Variants in KCNH2 observed in about 807,000 individuals in gnomAD.
KCNH2 encodes the protein potassium voltage-gated channel subfamily H member 2.
Under a neutral mutation model 95.9 loss-of-function variants are expected in KCNH2, and 35 were observed. That is an observed-to-expected ratio of 0.37 (90% CI 0.28 to 0.48). The LOEUF (loss-of-function observed/expected upper bound fraction) is 0.48. Among genes scored for constraint, KCNH2 ranks in the 20% least tolerant of loss-of-function variants. The pLI, the probability that KCNH2 is intolerant of heterozygous loss-of-function variation, is 0.99. For missense variants in KCNH2, 1,274 were observed against 1,702.9 expected, an observed-to-expected ratio of 0.75 and a Z score of 4.43; for synonymous variants, 786 against 754.7, an observed-to-expected ratio of 1.04 and a Z score of -0.68.
At position 150,952,563 on chromosome 7, in the gene KCNH2, G is replaced by A. The variant is rs1057522546; in HGVS notation, c.1419C>T (p.Thr473=). ...FIVDILINFR[T]TYVNANEEVV... is the part of the protein sequence containing the mutation. ...CCTCCTCGTTGGCATTGACGTAGGT[G>A]GTGCGGAAGTTGATGAGGATGTCCA... The change falls in exon 6 of 15, where the codon ACC becomes ACT. Residue 473 remains threonine, a synonymous_variant. Transcript: ENST00000262186. This position sits in a 1 kb window ranked among gnomAD's most constrained non-coding sequence, Gnocchi z 7.3. The A allele has an allele frequency of 6.2e-7, 1 of 1,614,092 alleles. No individual in the cohort carries two copies. Among genetic ancestry groups the A allele is most frequent in the South Asian group, 1.1e-5 (1 of 91,090 alleles).
At chr7:150,975,712 T>G (rs1347723804) in intron 1 of KCNH2, among the ~76,000 whole-genome samples, 1 of 152,186 alleles carries the variant, frequency 6.6e-6, no homozygotes, top group East Asian at 1.9e-4. Context: ...AGCTTGTAAA[T>G]GATAGAGCCA....
rs755053912 is a variant in KCNH2 at position 150,957,414 on chromosome 7, T to C, written c.1005A>G (p.Gln335=). 6.2e-7 allele frequency: 1 copy of C among 1,614,186 alleles called. No homozygotes were observed. Among genetic ancestry groups the C allele is most frequent in the East Asian group, 2.2e-5 (1 of 44,886 alleles). The change falls in exon 5 of 15, where the codon CAA becomes CAG. Residue 335 remains glutamine, a synonymous_variant. Coordinates refer to ENST00000262186, the MANE Select transcript of KCNH2 (RefSeq NM_000238.4). The stretch of plus-strand genomic sequence containing the variant: ...TGAGGTCCACAAAGTTGAGGGTGAT[T>C]TGGGGAATCTTGCTAATGGTGCGGT... The part of the protein sequence containing the change: ...VRYRTISKIP[Q]ITLNFVDLKG...
chr7:150,945,390 C>G lies in KCNH2; in HGVS notation c.3455G>C (p.Arg1152Thr). Residue 1152 changes from arginine (R) to threonine (T), a missense_variant, in exon 15 of 15, where the codon AGA (arginine) becomes ACA (threonine). Physicochemically the swap from Arg to Thr is moderately conservative, Grantham distance 71. Coordinates refer to ENST00000262186, the MANE Select transcript of KCNH2 (RefSeq NM_000238.4). This position sits in a 1 kb window ranked among gnomAD's most constrained non-coding sequence, Gnocchi z 5.6. The part of the protein sequence containing the change: ...LGALTSQPLH[R>T]HGSDPGS Reference sequence around the variant, plus strand: ...CTAACTGCCCGGGTCCGAGCCGTGTCTGTGCAGGGGCTGGGAGGTGAGGGC... The same window carrying G: ...CTAACTGCCCGGGTCCGAGCCGTGTGTGTGCAGGGGCTGGGAGGTGAGGGC... 6.3e-7 allele frequency: 1 copy of G among 1,590,240 alleles called. No homozygotes were observed. Among genetic ancestry groups the G allele is most frequent in the Non-Finnish European group, 8.6e-7 (1 of 1,168,842 alleles).
intron 1 of KCNH2, 80 bp from the exon 2 acceptor site, chr7:150,975,021 TCACA>T (rs1418766159): frequency 7.9e-7 from 1 of 1,269,852 alleles, no homozygotes; most frequent in Non-Finnish European, 1.1e-6. Flanking sequence ...CATTCTCCAC[TCACA>T]CAGCCGCCCG....
chr7:150,952,310 TTCTCTCTCTC>T lies in KCNH2; in HGVS notation c.1557+105_1557+114del. 9.2e-7 allele frequency: 1 copy of T among 1,087,114 alleles called. No individual in the cohort carries two copies. The highest frequency in any genetic ancestry group is 1.3e-6 in the Non-Finnish European group (1 of 742,588). 67.3% of individuals were successfully genotyped at this position (1,087,114 alleles called of 1,614,324 possible). The stretch of plus-strand genomic sequence containing the variant: ...TCTCTCTCCCACTGTCTTTCTCTCT[TTCTCTCTCTC>T]TCTCTTTTTCTCTGTCCTCCTCGCC... On this transcript the variant is annotated intron_variant, in intron 6 of 14. Coordinates refer to ENST00000262186, the MANE Select transcript of KCNH2 (RefSeq NM_000238.4). This position sits in a 1 kb window ranked among gnomAD's most constrained non-coding sequence, Gnocchi z 7.3.
At chr7:150,964,348 G>A (rs1289210280) in intron 2 of KCNH2, among the ~76,000 whole-genome samples, 2 of 152,134 alleles carry the variant, frequency 1.3e-5, no homozygotes, top group African/African-American at 2.4e-5. Context: ...CCTGGCACCT[G>A]CCCCCAGTGA....
At chr7:150,954,740 C>T (rs1801307522) in intron 5 of KCNH2, among the ~76,000 whole-genome samples, 1 of 152,222 alleles carries the variant, frequency 6.6e-6, no homozygotes, top group Admixed American at 6.5e-5. Flanking sequence ...CCTGAGCCAC[C>T]TCCCACTCCT....
intron 2 of KCNH2, among the ~76,000 whole-genome samples, chr7:150,970,196 C>A (rs1801803258): frequency 1.3e-5 from 2 of 152,086 alleles, no homozygotes; most frequent in African/African-American, 4.8e-5. Flanking sequence ...GAAGGGCTTT[C>A]TTGGAACCTC....
chr7:150,951,737 C>G lies in KCNH2; in HGVS notation c.1656G>C (p.Leu552Phe). The change falls in exon 7 of 15, where the codon TTG becomes TTC. Residue 552 changes from leucine to phenylalanine, a missense_variant. Physicochemically the swap from Leu to Phe is conservative, Grantham distance 22. Transcript: ENST00000262186. ...YSEYGAAVLF[L>F]LMCTFALIAH... Reference sequence around the variant, plus strand: ...CGATGAGCGCAAAGGTGCACATGAGCAAGAACAGCACGGCCGCGCCGTACT... The same window carrying G: ...CGATGAGCGCAAAGGTGCACATGAGGAAGAACAGCACGGCCGCGCCGTACT... 1 of 1,612,358 alleles carries G rather than the reference C, an allele frequency of 6.2e-7. No homozygotes were observed. The highest frequency in any genetic ancestry group is 8.5e-7 in the Non-Finnish European group (1 of 1,178,468).
intron 11 of KCNH2, 118 bp downstream of exon 11, chr7:150,948,326 T>C: frequency 1.2e-6 from 1 of 833,602 alleles, no homozygotes; most frequent in South Asian, 1.5e-5. Flanking sequence ...GTGGGCACAC[T>C]GGAGGAAGGG....
chr7:150,969,609 C>A (rs73167633), intron 2 of KCNH2, among the ~76,000 whole-genome samples: 5,896 of 152,326 alleles, frequency 0.039, 164 homozygotes, highest in African/African-American at 0.057. Flanking sequence ...TCCTGCAACG[C>A]AGCACACTGC....
At chr7:150,974,406 G>T (rs1025180432) in intron 2 of KCNH2, among the ~76,000 whole-genome samples, 19 of 152,134 alleles carry the variant, frequency 1.2e-4, no homozygotes, top group African/African-American at 4.6e-4. Flanking sequence ...AGTCCAACTT[G>T]CTCTACGTGC....
rs1800968726 is a variant in KCNH2 at position 150,947,796 on chromosome 7, C to T, written c.2775G>A (p.Gly925=). 2 of 1,530,388 alleles carry T rather than the reference C, an allele frequency of 1.3e-6. No individual in the cohort carries two copies. Among genetic ancestry groups the T allele is most frequent in the East Asian group, 2.5e-5 (1 of 40,760 alleles). 94.8% of individuals were successfully genotyped at this position (1,530,388 alleles called of 1,614,324 possible). A position where few individuals can be genotyped will look rare whatever the true frequency, so the allele number is the denominator to read the frequency against. The part of the protein sequence containing the change: ...AGPSSRGRPG[G]PWGESPSSGP... The stretch of plus-strand genomic sequence containing the variant: ...CACTGGACGGGCTCTCCCCCCACGG[C>T]CCCCCCGGCCGGCCCCGGCTACTCG... The change falls in exon 12 of 15, where the codon GGG becomes GGA. Residue 925 remains glycine, a synonymous_variant. Coordinates refer to ENST00000262186, the MANE Select transcript of KCNH2 (RefSeq NM_000238.4).
At position 150,950,743 on chromosome 7, in the gene KCNH2, C is replaced by T. The variant is rs2072414; in HGVS notation, c.2145+178G>A. Among the ~76,000 whole-genome samples the T allele has an allele frequency of 1.6e-3, 240 of 152,336 alleles. 6 individuals carry two copies. The East Asian group carries it at 0.041, about 26-fold the overall frequency. On this transcript the variant is annotated intron_variant, in intron 8 of 14. Coordinates refer to ENST00000262186, the MANE Select transcript of KCNH2 (RefSeq NM_000238.4). ...CCTCCCACCCCAAAAGGGGAGCTCT[C>T]CAGGGAAGGGGTTCCAAGGGCTTCC...
chr7:150,955,744 T>A, intron 5 of KCNH2: 1 of 1,269,708 alleles, frequency 7.9e-7, no homozygotes, highest in East Asian at 3.2e-5. Context: ...CCCCGTGGCG[T>A]GGGCCCTGCT....
chr7:150,947,791 C>A lies in KCNH2; in HGVS notation c.2780G>T (p.Trp927Leu), dbSNP rs794728399. ...PSSRGRPGGP[W>L]GESPSSGPSS... ...GGGGCCACTGGACGGGCTCTCCCCC[C>A]ACGGCCCCCCCGGCCGGCCCCGGCT... Residue 927 changes from tryptophan (W) to leucine (L), a missense_variant, in exon 12 of 15, where the codon TGG becomes TTG. Physicochemically the swap from Trp to Leu is moderately conservative, Grantham distance 61. This residue lies in a region of KCNH2 where 457 missense variants were observed against 416.1 expected (regional missense o/e 1.10). Coordinates refer to ENST00000262186, the MANE Select transcript of KCNH2 (RefSeq NM_000238.4). 56 of 1,534,306 alleles carry A rather than the reference C, an allele frequency of 3.6e-5. No individual in the cohort carries two copies. Among genetic ancestry groups the A allele is most frequent in the Middle Eastern group, 2.2e-4 (1 of 4,492 alleles).
rs761157161 is a variant in KCNH2, at chr7:150,946,854, G to A, written c.3330+23C>T. ...GGGAACAAGCGGGTCACGGTACATC[G>A]AGGAAGCAGGGCTGGAGCTTACCTG... On this transcript the variant is annotated intron_variant, in intron 14 of 14. Transcript: ENST00000262186. This position sits in a 1 kb window ranked among gnomAD's most constrained non-coding sequence, Gnocchi z 6.5. 23 of 1,591,050 alleles carry A rather than the reference G, an allele frequency of 1.4e-5. No homozygotes were observed. The highest frequency in any genetic ancestry group is 2.7e-5 in the African/African-American group (2 of 74,530).
rs967462991 is a variant in KCNH2 at position 150,978,218 on chromosome 7, C to T, written c.-305G>A. 1.4e-5 allele frequency: 2 copies of T among 146,666 alleles called. No homozygotes were observed. Among genetic ancestry groups the T allele is most frequent in the Admixed American group, 1.4e-4 (2 of 14,764 alleles). 9.1% of individuals were successfully genotyped at this position (146,666 alleles called of 1,614,324 possible). A position where few individuals can be genotyped will look rare whatever the true frequency, so the allele number is the denominator to read the frequency against. Reference sequence around the variant, plus strand: ...GCGTCCCCGCGCTGCGCTCCGCCCGCCCGAGCCCCGGACTCCTGGCTCCCG... The same window carrying T: ...GCGTCCCCGCGCTGCGCTCCGCCCGTCCGAGCCCCGGACTCCTGGCTCCCG... On this transcript the variant is annotated 5_prime_UTR_variant, in exon 1 of 15. Coordinates refer to ENST00000262186, the MANE Select transcript of KCNH2 (RefSeq NM_000238.4).
At chr7:150,970,033 A>C (rs1801798772) in intron 2 of KCNH2, among the ~76,000 whole-genome samples, 1 of 151,322 alleles carries the variant, frequency 6.6e-6, no homozygotes, top group African/African-American at 2.4e-5. Context: ...GTTCTGTTAA[A>C]CTCCCTCACA....
Sources: gnomAD v4.1 joint callset for allele counts (sites outside exome capture counted in the v4.1 genomes callset) on GRCh38, gnomAD v4.1.1 for gene constraint, gnomAD v4.1.1 regional missense constraint, Gnocchi (gnomAD v3.1) non-coding constraint, MANE v1.5 for transcripts, NCBI Gene and HGNC (gene_info 2026-07-23, HGNC 2026-07-21) for gene names.